ROS1: variants seen among roughly 807,000 people sequenced by gnomAD.
The protein encoded by ROS1 is ROS proto-oncogene 1, receptor tyrosine kinase.
In ROS1, 263 loss-of-function variants were observed where a neutral mutation model predicts 273.5. That is an observed-to-expected ratio of 0.96 (90% confidence interval 0.87 to 1.06). The LOEUF (loss-of-function observed/expected upper bound fraction) is 1.06, where lower values mean the gene tolerates loss of function less well. ROS1 is among the 50% of genes least tolerant of loss of function. The pLI, the probability that ROS1 is intolerant of heterozygous loss-of-function variation, is 0.00. For missense variants in ROS1, 2,833 were observed against 2,751.1 expected (o/e 1.03, Z -0.67); for synonymous variants, 1,008 against 954.1 (o/e 1.06, Z -1.04).
In ROS1 at chr6:117,320,035, A is replaced by G. The variant is rs200628664; in HGVS notation, c.5760-5T>C. 5 of 1,612,630 alleles carry G rather than the reference A, an allele frequency of 3.1e-6. No homozygotes were observed. In the Admixed American group the frequency reaches 8.4e-5, roughly 27 times the overall value. ...TCCTCTTGGGTTGGAAGAGTACTGT[A>G]AAATAGCAACATTTTTGTCTCCCCA... On this transcript the variant is annotated splice_polypyrimidine_tract_variant and splice_region_variant and intron_variant, in intron 36 of 43. Transcript: ENST00000368507.
In ROS1 at chr6:117,414,386, A is replaced by G. The variant is rs865865917; in HGVS notation, c.255+133T>C. The stretch of plus-strand genomic sequence containing the variant: ...TACAGTCATCTGTATACTCAGAGTA[A>G]TAACACTTTGAGGAAGAATGTCTCA... On this transcript the variant is annotated intron_variant, in intron 4 of 43. Coordinates refer to ENST00000368507, the MANE Select transcript of ROS1 (RefSeq NM_001378902.1). The G allele has an allele frequency of 3.7e-5, 24 of 657,040 alleles. No homozygotes were observed. In the Middle Eastern group the frequency reaches 7.6e-4, roughly 21 times the overall value. 40.7% of individuals were successfully genotyped at this position (657,040 alleles called of 1,614,324 possible). A position where few individuals can be genotyped will look rare whatever the true frequency, so the allele number is the denominator to read the frequency against.
chr6:117,298,599 C>T (rs1774436727), intron 43 of ROS1, among the ~76,000 whole-genome samples: 1 of 152,164 alleles, frequency 6.6e-6, no homozygotes. Flanking sequence ...TTGAGCAAAA[C>T]ATTATTATTA....
At chr6:117,398,456 A>G (rs1371080919) in intron 7 of ROS1, among the ~76,000 whole-genome samples, 3 of 152,136 alleles carry the variant, frequency 2.0e-5, no homozygotes, top group Admixed American at 1.3e-4. Context: ...ACGTGGACCA[A>G]TCGCTTGAGG....
chr6:117,298,987 A>T (rs145284350), intron 43 of ROS1, among the ~76,000 whole-genome samples: 2 of 110,294 alleles, frequency 1.8e-5, no homozygotes, highest in African/African-American at 7.7e-5. Flanking sequence ...TGTGATCTTC[A>T]CATAGGCAAG....
chr6:117,312,326 C>T (rs1775605483), intron 39 of ROS1, among the ~76,000 whole-genome samples: 1 of 152,098 alleles, frequency 6.6e-6, no homozygotes, highest in South Asian at 2.1e-4. Flanking sequence ...TTCTCCCTAC[C>T]TCCCCTGACA....
chr6:117,397,986 A>G (rs1336791479), intron 7 of ROS1, among the ~76,000 whole-genome samples: 1 of 152,140 alleles, frequency 6.6e-6, no homozygotes, highest in Non-Finnish European at 1.5e-5. Flanking sequence ...CTGACTTTTA[A>G]AAGCCCTTTT....
chr6:117,412,855 T>C (rs1446822263), intron 4 of ROS1, among the ~76,000 whole-genome samples: 1 of 152,188 alleles, frequency 6.6e-6, no homozygotes, highest in East Asian at 1.9e-4. Context: ...CTTTAAAGGC[T>C]CTCTCTCCCT....
chr6:117,315,965 A>G (rs1289311485), intron 39 of ROS1, among the ~76,000 whole-genome samples: 1 of 152,178 alleles, frequency 6.6e-6, no homozygotes, highest in Non-Finnish European at 1.5e-5. Context: ...AACAAGAGAT[A>G]TTTATTAAAC....
chr6:117,335,598 A>G (rs1281757803), intron 32 of ROS1, among the ~76,000 whole-genome samples: 1 of 152,206 alleles, frequency 6.6e-6, no homozygotes, highest in Non-Finnish European at 1.5e-5. Flanking sequence ...CCAATCCATC[A>G]ATGACAAACC....
Position 117,341,492 on chromosome 6 carries a change from G to T in ROS1, c.4792C>A (p.Pro1598Thr). The stretch of plus-strand genomic sequence containing the variant: ...TCACTTTGTCTTAGAGGAGTTTCAG[G>T]AATTAGGGCCAGGTGTGAGATTGCC... Reference protein sequence around the residue: ...QLAISHLALIPETPLRQSEFP... With the variant: ...QLAISHLALITETPLRQSEFP... Residue 1598 changes from proline to threonine, a missense_variant, in exon 30 of 44, where the codon CCT (proline) becomes ACT (threonine). Pro to Thr is a conservative substitution (Grantham distance 38). Coordinates refer to ENST00000368507, the MANE Select transcript of ROS1 (RefSeq NM_001378902.1). 6.2e-7 allele frequency: 1 copy of T among 1,613,856 alleles called. No homozygotes were observed. The highest frequency in any genetic ancestry group is 8.5e-7 in the Non-Finnish European group (1 of 1,179,792).
chr6:117,385,723 C>A lies in ROS1; in HGVS notation c.2249G>T (p.Trp750Leu), dbSNP rs372359152. ...AGCCCAGTAGAGAAAGTGACCCAGC[C>A]ACTCAAAAGCTAAAGCCCCTGCTCC... The part of the protein sequence containing the change: ...IAGAGALAFE[W>L]LGHFLYWAGK... Residue 750 changes from tryptophan (W) to leucine (L), a missense_variant, in exon 16 of 44, where the codon TGG becomes TTG. Physicochemically the swap from Trp to Leu is moderately conservative, Grantham distance 61. Transcript: ENST00000368507. The A allele has an allele frequency of 6.2e-7, 1 of 1,614,086 alleles. No homozygotes were observed. The highest frequency in any genetic ancestry group is 1.7e-5 in the Admixed American group (1 of 60,004).
intron 4 of ROS1, 145 bp from the exon 5 acceptor site, chr6:117,409,787 C>T: frequency 4.5e-6 from 3 of 668,038 alleles, no homozygotes; most frequent in Non-Finnish European, 2.7e-6. Context: ...ATCGGAGTGC[C>T]TAATACGCAA....
At chr6:117,346,382 A>G (rs1044347245) in intron 27 of ROS1, among the ~76,000 whole-genome samples, 1 of 152,076 alleles carries the variant, frequency 6.6e-6, no homozygotes, top group Admixed American at 6.6e-5. Flanking sequence ...TGTACCTAGA[A>G]ACTAGCAACA....
At position 117,311,028 on chromosome 6, in the gene ROS1, G is replaced by C. The variant is rs868183177; in HGVS notation, c.6207C>G (p.Phe2069Leu). ...CCAGAAGAGAATTGTACCTGTGAAT[G>C]AAATGCATCCGTTCCAAGTAGACAC... ...KGCVYLERMH[F>L]IHRDLAARNC... The change falls in exon 40 of 44, where the codon TTC becomes TTG. Residue 2069 changes from phenylalanine to leucine, a missense_variant. Coordinates refer to ENST00000368507, the MANE Select transcript of ROS1 (RefSeq NM_001378902.1). 11 of 1,603,540 alleles carry C rather than the reference G, an allele frequency of 6.9e-6. No homozygotes were observed. The highest frequency in any genetic ancestry group is 9.4e-6 in the Non-Finnish European group (11 of 1,172,572).
At chr6:117,306,547 A>G (rs146527043) in intron 42 of ROS1, among the ~76,000 whole-genome samples, 1 of 152,306 alleles carries the variant, frequency 6.6e-6, no homozygotes, top group Non-Finnish European at 1.5e-5. Flanking sequence ...AGAGAAGGGC[A>G]GGAATGCTCT....
At position 117,337,275 on chromosome 6, in the gene ROS1, A is replaced by G. The variant is rs1208877641; in HGVS notation, c.5127T>C (p.Asn1709=). 6.2e-7 allele frequency: 1 copy of G among 1,612,668 alleles called. No homozygotes were observed. The highest frequency in any genetic ancestry group is 1.3e-5 in the African/African-American group (1 of 74,950). The change falls in exon 32 of 44, where the codon AAT becomes AAC. Residue 1709 remains asparagine (N), a synonymous_variant. Coordinates refer to ENST00000368507, the MANE Select transcript of ROS1 (RefSeq NM_001378902.1). The stretch of plus-strand genomic sequence containing the variant: ...AAGTATAAGGTTGTAGATTTGTGAT[A>G]TTACAGACATAAGCAGGACCTTGGC... The part of the protein sequence containing the change: ...SCSQGPAYVC[N]ITNLQPYTSY...
chr6:117,315,851 G>A (rs1004050443), intron 39 of ROS1, among the ~76,000 whole-genome samples: 12 of 152,000 alleles, frequency 7.9e-5, no homozygotes, highest in Non-Finnish European at 1.2e-4. Context: ...GGAAGGAAGT[G>A]TCCAAGAAAA....
intron 43 of ROS1, among the ~76,000 whole-genome samples, chr6:117,300,440 A>C (rs1183878337): frequency 6.6e-6 from 1 of 152,154 alleles, no homozygotes; most frequent in Non-Finnish European, 1.5e-5. Flanking sequence ...AAATGCATTC[A>C]TTCATTAAAA....
intron 42 of ROS1, among the ~76,000 whole-genome samples, chr6:117,302,122 T>A (rs11752361): frequency 1.5e-3 from 233 of 152,192 alleles, no homozygotes; most frequent in Non-Finnish European, 2.9e-3. Flanking sequence ...TTGTAAGTAT[T>A]TTATATTGTT....
Sources: gnomAD v4.1 joint callset for allele counts (sites outside exome capture counted in the v4.1 genomes callset) on GRCh38, gnomAD v4.1.1 for gene constraint, MANE v1.5 for transcripts, NCBI Gene and HGNC (gene_info 2026-07-23, HGNC 2026-07-21) for gene names.